Variants in TWSG1 observed in about 807,000 individuals in gnomAD.
TWSG1 encodes twisted gastrulation protein homolog 1.
In TWSG1, 15 loss-of-function variants were observed where a neutral mutation model predicts 23.0. That is an observed-to-expected ratio of 0.65 (90% CI 0.44 to 1.00). The LOEUF is 1.00. Among genes scored for constraint, TWSG1 ranks in the 50% least tolerant of loss-of-function variants. The pLI is 0.00. For missense variants in TWSG1, 242 were observed against 278.7 expected (o/e 0.87, Z 0.94); for synonymous variants, 86 against 92.8 (o/e 0.93, Z 0.42).
intron 3 of TWSG1, among the ~76,000 whole-genome samples, chr18:9,377,452 C>T (rs1264000347): frequency 6.6e-6 from 1 of 152,046 alleles, no homozygotes; most frequent in Non-Finnish European, 1.5e-5. Flanking sequence ...CTCCTGACCT[C>T]AAGTGATCTG....
chr18:9,371,468 T>A (rs1345964391), intron 3 of TWSG1, among the ~76,000 whole-genome samples: 1 of 152,086 alleles, frequency 6.6e-6, no homozygotes, highest in Non-Finnish European at 1.5e-5. Context: ...GGCTAATTTT[T>A]GTATTTTTAG....
At chr18:9,368,863 G>C (rs865869657) in intron 3 of TWSG1, among the ~76,000 whole-genome samples, 1 of 152,150 alleles carries the variant, frequency 6.6e-6, no homozygotes, top group East Asian at 1.9e-4. Context: ...CAGGAGAATC[G>C]CTTGAGCCTG....
At chr18:9,386,679 G>C (rs1251551297) in intron 3 of TWSG1, among the ~76,000 whole-genome samples, 1 of 152,060 alleles carries the variant, frequency 6.6e-6, no homozygotes, top group Non-Finnish European at 1.5e-5. Flanking sequence ...GGTTGAAAGA[G>C]CCTTCAGAAT....
chr18:9,338,019 T>C (rs1179326087), intron 2 of TWSG1, among the ~76,000 whole-genome samples: 2 of 152,228 alleles, frequency 1.3e-5, no homozygotes, highest in Admixed American at 6.5e-5. Flanking sequence ...GAGGAAGTAA[T>C]GTGGCTAAGT....
At chr18:9,395,117 C>A (rs2040728951) in intron 3 of TWSG1, among the ~76,000 whole-genome samples, 1 of 152,190 alleles carries the variant, frequency 6.6e-6, no homozygotes, top group Non-Finnish European at 1.5e-5. Context: ...TTTCTCTTGA[C>A]AGTGTTAAAG....
chr18:9,401,046 ATAT>A lies in TWSG1; in HGVS notation c.*1523_*1525del, dbSNP rs1484636191. 7.9e-5 allele frequency: 12 copies of A among 152,322 alleles called. No individual in the cohort carries two copies. Among genetic ancestry groups the A allele is most frequent in the African/African-American group, 2.2e-4 (9 of 41,574 alleles). The allele number at this position is 152,322 out of a possible 1,614,324, so 9.4% of individuals were successfully genotyped here. A position where few individuals can be genotyped will look rare whatever the true frequency, so the allele number is the denominator to read the frequency against. ...GTAGTTAGTTAAAAGATCATTTGTA[ATAT>A]TATGATCAACTGTTATAAATTAAGG... On this transcript the variant is annotated 3_prime_UTR_variant, in exon 5 of 5. Coordinates refer to ENST00000262120, the MANE Select transcript of TWSG1 (RefSeq NM_020648.6).
chr18:9,357,474 A>G (rs868046516), intron 2 of TWSG1, among the ~76,000 whole-genome samples: 1 of 152,164 alleles, frequency 6.6e-6, no homozygotes, highest in Non-Finnish European at 1.5e-5. Context: ...TAATGGGCTG[A>G]CTCTAATAGT....
intron 3 of TWSG1, among the ~76,000 whole-genome samples, chr18:9,366,774 A>G (rs951535840): frequency 1.3e-5 from 2 of 152,118 alleles, no homozygotes; most frequent in Non-Finnish European, 2.9e-5. Context: ...TTATTTAGAT[A>G]CATTATTTAT....
intron 2 of TWSG1, among the ~76,000 whole-genome samples, chr18:9,351,622 GTTTT>G (rs71168051): frequency 8.6e-6 from 1 of 116,608 alleles, no homozygotes; most frequent in Non-Finnish European, 1.8e-5. Flanking sequence ...ACCATGCTGG[GTTTT>G]TTTTTTTTTT....
chr18:9,337,282 C>G lies in TWSG1; in HGVS notation c.53C>G (p.Thr18Arg). The G allele has an allele frequency of 1.2e-6, 2 of 1,613,560 alleles. No homozygotes were observed. Among genetic ancestry groups the G allele is most frequent in the Non-Finnish European group, 1.7e-6 (2 of 1,179,970 alleles). The change falls in exon 2 of 5, where the codon ACA becomes AGA. Residue 18 changes from threonine to arginine, a missense_variant. By Grantham distance (71) the Thr-to-Arg change is moderately conservative. Coordinates refer to ENST00000262120, the MANE Select transcript of TWSG1 (RefSeq NM_020648.6). ...VLTLAILMFL[T>R]WLPESLSCNK... is the part of the protein sequence containing the mutation. The stretch of plus-strand genomic sequence containing the variant: ...ACTCTAGCCATCCTGATGTTCCTGA[C>G]ATGGCTTCCAGAATCACTGAGCTGT...
chr18:9,362,467 C>G (rs2040556914), intron 3 of TWSG1, among the ~76,000 whole-genome samples: 1 of 152,232 alleles, frequency 6.6e-6, no homozygotes, highest in Non-Finnish European at 1.5e-5. Flanking sequence ...CTCAGCCTCC[C>G]AAAGTGCTGG....
intron 1 of TWSG1, among the ~76,000 whole-genome samples, chr18:9,336,049 T>C (rs943808600): frequency 6.6e-6 from 1 of 152,202 alleles, no homozygotes; most frequent in Non-Finnish European, 1.5e-5. Context: ...CTTTTTGAAC[T>C]GTAGTATCTT....
chr18:9,349,631 C>T (rs1040449560), intron 2 of TWSG1, among the ~76,000 whole-genome samples: 1 of 152,046 alleles, frequency 6.6e-6, no homozygotes, highest in Non-Finnish European at 1.5e-5. Flanking sequence ...TTAGGGCTTC[C>T]TTAATTACAG....
chr18:9,390,789 A>G (rs1211041160), intron 3 of TWSG1, among the ~76,000 whole-genome samples: 1 of 152,192 alleles, frequency 6.6e-6, no homozygotes, highest in East Asian at 1.9e-4. Flanking sequence ...AGACAGAAGG[A>G]TAGCTTCAGG....
intron 3 of TWSG1, among the ~76,000 whole-genome samples, chr18:9,394,314 C>T (rs1371407902): frequency 6.6e-6 from 1 of 152,180 alleles, no homozygotes; most frequent in Non-Finnish European, 1.5e-5. Flanking sequence ...GAAAGTTAAA[C>T]ACCACATGCT....
At chr18:9,351,622 G>GTTTTTTTTTTTTTTTTGTT (rs2040502259) in intron 2 of TWSG1, among the ~76,000 whole-genome samples, 1 of 116,608 alleles carries the variant, frequency 8.6e-6, no homozygotes, top group African/African-American at 3.1e-5. Context: ...ACCATGCTGG[G>GTTTTTTTTTTTTTTTTGTT]TTTTTTTTTT....
chr18:9,392,224 T>C (rs990118382), intron 3 of TWSG1, among the ~76,000 whole-genome samples: 2 of 152,268 alleles, frequency 1.3e-5, no homozygotes, highest in Admixed American at 6.5e-5. Context: ...AGAAGGTTGT[T>C]TCATCTACAT....
chr18:9,348,555 T>G (rs1388033580), intron 2 of TWSG1, among the ~76,000 whole-genome samples: 1 of 152,218 alleles, frequency 6.6e-6, no homozygotes, highest in African/African-American at 2.4e-5. Context: ...GGTTAAACAT[T>G]GTTGTGGCTT....
chr18:9,388,597 T>C (rs1289101223), intron 3 of TWSG1, among the ~76,000 whole-genome samples: 1 of 152,258 alleles, frequency 6.6e-6, no homozygotes, highest in Non-Finnish European at 1.5e-5. Flanking sequence ...TCAGGTTTAC[T>C]AGTTTTAGTG....
Sources: allele counts gnomAD v4.1 joint callset (sites outside exome capture counted in the v4.1 genomes callset), GRCh38; gene constraint gnomAD v4.1.1; transcripts MANE v1.5; gene names NCBI Gene and HGNC (gene_info 2026-07-23, HGNC 2026-07-21).